The following DDX46 variants were observed in gnomAD, a reference collection of about 807,000 sequenced individuals.
The protein encoded by DDX46 is DEAD-box helicase 46.
Under a neutral mutation model 134.9 loss-of-function variants are expected in DDX46, and 30 were observed. The ratio of observed to expected loss-of-function variants is 0.22; its 90% CI spans 0.17 to 0.30. The LOEUF (loss-of-function observed/expected upper bound fraction) is 0.30. Ranked by LOEUF, DDX46 falls within the 10% of genes least tolerant of loss-of-function variation. The pLI is 1.00. For missense variants in DDX46, 622 were observed against 1,248.7 expected, an observed-to-expected ratio of 0.50 and a Z score of 7.56; for synonymous variants, 415 against 404.1, an observed-to-expected ratio of 1.03 and a Z score of -0.32.
At chr5:134,769,393 C>T (rs1229437944) in intron 3 of DDX46, among the ~76,000 whole-genome samples, 1 of 132,332 alleles carries the variant, frequency 7.6e-6, no homozygotes, top group African/African-American at 2.9e-5. Context: ...TGTAGTTGTG[C>T]AATATCAGCT....
rs552506045 is a variant in DDX46, at chr5:134,805,233, C to T, written c.1955-2515C>T. 10 of 165,586 alleles carry T rather than the reference C, an allele frequency of 6.0e-5. 1 individual carries two copies. In the South Asian group the frequency reaches 9.5e-4, roughly 16 times the overall value. 10.3% of individuals were successfully genotyped at this position (165,586 alleles called of 1,614,324 possible). A position where few individuals can be genotyped will look rare whatever the true frequency, so the allele number is the denominator to read the frequency against. On this transcript the variant is annotated intron_variant, in intron 15 of 22. Transcript: ENST00000452510. ...TCGCCCAGGCTGGAGTGCGGTGGCACGATCTCTGCTCACTACAACCTCTGC... is the reference window on the plus strand; with the variant it reads ...TCGCCCAGGCTGGAGTGCGGTGGCATGATCTCTGCTCACTACAACCTCTGC...
intron 15 of DDX46, among the ~76,000 whole-genome samples, chr5:134,802,354 G>T (rs192845168): frequency 6.6e-6 from 1 of 151,890 alleles, no homozygotes; most frequent in South Asian, 2.1e-4. Context: ...TAGAGACAGG[G>T]TTTCATCATG....
In DDX46 at chr5:134,811,283, T is replaced by C; in HGVS notation, c.2211T>C (p.Ala737=). 2 of 1,614,044 alleles carry C rather than the reference T, an allele frequency of 1.2e-6. No homozygotes were observed. Among genetic ancestry groups the C allele is most frequent in the Non-Finnish European group, 1.7e-6 (2 of 1,179,950 alleles). Reference sequence around the variant, plus strand: ...GCTATGCTGGTGACATAATTAAAGCTCTTGAATTGTCAGGGACTGCAGTAC... The same window carrying C: ...GCTATGCTGGTGACATAATTAAAGCCCTTGAATTGTCAGGGACTGCAGTAC... The part of the protein sequence containing the change: ...QARYAGDIIK[A]LELSGTAVPP... Residue 737 remains alanine (A), a synonymous_variant, in exon 17 of 23, where the codon GCT becomes GCC. Transcript: ENST00000452510.
chr5:134,779,338 C>T (rs540266702), intron 6 of DDX46, among the ~76,000 whole-genome samples: 2 of 152,052 alleles, frequency 1.3e-5, no homozygotes, highest in African/African-American at 4.8e-5. Context: ...GGATTACAGG[C>T]GCCCACCACC....
Position 134,764,061 on chromosome 5 carries a change from A to G in DDX46, c.175A>G (p.Arg59Gly). 1 of 1,613,584 alleles carries G rather than the reference A, an allele frequency of 6.2e-7. No homozygotes were observed. Among genetic ancestry groups the G allele is most frequent in the Non-Finnish European group, 8.5e-7 (1 of 1,179,826 alleles). Residue 59 changes from arginine to glycine, a missense_variant, in exon 2 of 23, where the codon AGA (arginine) becomes GGA (glycine). Physicochemically the swap from Arg to Gly is moderately radical, Grantham distance 125. Coordinates refer to ENST00000452510, the MANE Select transcript of DDX46 (RefSeq NM_001300860.2). ...RERSRSRDKR[R>G]SRSRDRKRLR... is the part of the protein sequence containing the mutation. ...GAGGTCTCGTAGCAGGGATAAAAGA[A>G]GATCTCGGTCAAGGGACAGGAAGCG...
intron 13 of DDX46, among the ~76,000 whole-genome samples, chr5:134,793,131 T>C (rs1478094006): frequency 6.6e-6 from 1 of 152,158 alleles, no homozygotes; most frequent in African/African-American, 2.4e-5. Context: ...CACTCCAGCC[T>C]GGGCGACAGA....
At chr5:134,789,245 C>A (rs1013781019) in intron 12 of DDX46, 1 of 152,076 alleles carries the variant, frequency 6.6e-6, no homozygotes, top group African/African-American at 2.4e-5. Context: ...ACTGGGCTTC[C>A]GAGACTTAAA....
intron 16 of DDX46, among the ~76,000 whole-genome samples, chr5:134,809,131 T>C (rs562322627): frequency 6.6e-6 from 1 of 152,356 alleles, no homozygotes; most frequent in Non-Finnish European, 1.5e-5. Context: ...TAATGGCATT[T>C]ATTCTTCTAA....
At chr5:134,793,844 G>T (rs1349838601) in intron 13 of DDX46, among the ~76,000 whole-genome samples, 2 of 152,154 alleles carry the variant, frequency 1.3e-5, no homozygotes, top group Non-Finnish European at 2.9e-5. Flanking sequence ...GGCAAGGATT[G>T]CCCTGAGGTG....
chr5:134,768,807 T>A (rs1442347096), intron 3 of DDX46, among the ~76,000 whole-genome samples: 1 of 152,146 alleles, frequency 6.6e-6, no homozygotes, highest in Non-Finnish European at 1.5e-5. Flanking sequence ...ACGCCTGTAA[T>A]CCTAGCACTT....
At chr5:134,790,607 C>T in intron 13 of DDX46, 55 bp downstream of exon 13, 1 of 1,452,738 alleles carries the variant, frequency 6.9e-7, no homozygotes, top group Non-Finnish European at 9.5e-7. Context: ...TTGTAGTTGC[C>T]ATGAGAATGA....
chr5:134,759,986 T>C (rs750255818), intron 1 of DDX46, among the ~76,000 whole-genome samples: 21 of 152,206 alleles, frequency 1.4e-4, no homozygotes, highest in Non-Finnish European at 2.4e-4. Context: ...CCATTCTGGT[T>C]GTCCCTGACT....
At chr5:134,813,890 G>C (rs1755216824) in intron 18 of DDX46, among the ~76,000 whole-genome samples, 2 of 152,028 alleles carry the variant, frequency 1.3e-5, no homozygotes, top group East Asian at 3.9e-4. Context: ...CTCCCAAAGT[G>C]ATGGTATTAC....
Position 134,830,506 on chromosome 5 carries a change from A to C in DDX46, c.*1800A>C, listed in dbSNP as rs1348090915. 6.6e-6 allele frequency: 1 copy of C among 152,046 alleles called. No homozygotes were observed. The highest frequency in any genetic ancestry group is 6.6e-5 in the Admixed American group (1 of 15,266). The allele number at this position is 152,046 out of a possible 1,614,324, so 9.4% of individuals were successfully genotyped here. ...AAATATTATTGACTTACAGTTTAAA[A>C]ATAAATAAATAAAAGCATACTATAG... is the stretch of plus-strand genomic sequence containing the variant. On this transcript the variant is annotated 3_prime_UTR_variant, in exon 23 of 23. Transcript: ENST00000452510.
intron 1 of DDX46, among the ~76,000 whole-genome samples, chr5:134,759,188 C>T (rs1416117201): frequency 6.6e-6 from 1 of 152,232 alleles, no homozygotes; most frequent in African/African-American, 2.4e-5. Flanking sequence ...GGAGCGGGAA[C>T]AACCCTCCAG....
chr5:134,782,835 G>A lies in DDX46; in HGVS notation c.1046-110G>A, dbSNP rs553362789. On this transcript the variant is annotated intron_variant, in intron 8 of 22. Coordinates refer to ENST00000452510, the MANE Select transcript of DDX46 (RefSeq NM_001300860.2). ...GTTGCTAGGATTACAGGTGTGAGCC[G>A]CTGGGTCTGGCATAAGAGTTAAAGT... is the stretch of plus-strand genomic sequence containing the variant. 175 of 1,365,934 alleles carry A rather than the reference G, an allele frequency of 1.3e-4. 4 individuals are homozygous for A. In the South Asian group the frequency reaches 1.9e-3, roughly 15 times the overall value. The allele number at this position is 1,365,934 out of a possible 1,614,324, so 84.6% of individuals were successfully genotyped here.
chr5:134,782,244 G>A (rs1363188271), intron 8 of DDX46, among the ~76,000 whole-genome samples, 158 bp downstream of exon 8: 1 of 152,062 alleles, frequency 6.6e-6, no homozygotes, highest in Non-Finnish European at 1.5e-5. Flanking sequence ...GGTGGCTCAC[G>A]CCTGTAATCT....
At chr5:134,828,541 G>A in intron 22 of DDX46, 118 bp from the exon 23 acceptor site, 1 of 582,854 alleles carries the variant, frequency 1.7e-6, no homozygotes, top group Non-Finnish European at 2.6e-6. Context: ...AGTTGGCAAA[G>A]GAAATGATCT....
rs1056656632 is a variant in DDX46 at position 134,767,134 on chromosome 5, T to C, written c.350+74T>C. The C allele has an allele frequency of 2.4e-5, 34 of 1,425,580 alleles. No homozygotes were observed. In the Middle Eastern group the frequency reaches 7.1e-4, roughly 30 times the overall value. The allele number at this position is 1,425,580 out of a possible 1,614,324, so 88.3% of individuals were successfully genotyped here. ...CCCTTCTCTGCGCCTTTTTTTTTTT[T>C]CCCTGTAAGTTTGTATTTATAGAGA... On this transcript the variant is annotated intron_variant, in intron 3 of 22. Transcript: ENST00000452510.
Sources: allele counts gnomAD v4.1 joint callset (sites outside exome capture counted in the v4.1 genomes callset), GRCh38; gene constraint gnomAD v4.1.1; transcripts MANE v1.5; gene names NCBI Gene and HGNC (gene_info 2026-07-23, HGNC 2026-07-21).